The following MGST1 variants were observed in gnomAD, a reference collection of about 807,000 sequenced individuals.
MGST1 encodes microsomal glutathione S-transferase 1, also known as glutathione S-transferase 12.
MGST1 carries 5 observed loss-of-function variants against 8.9 expected under a neutral mutation model. The observed-to-expected ratio is 0.56, with a 90% CI of 0.29 to 1.19. The LOEUF is 1.19. MGST1 is among the 50% of genes most tolerant of loss of function. The pLI, the probability that MGST1 is intolerant of heterozygous loss-of-function variation, is 0.08. For synonymous variants in MGST1, 54 were observed against 67.8 expected (o/e 0.80, Z 1.00); for missense variants, 182 against 187.4 (o/e 0.97, Z 0.17).
chr12:16,469,623 C>T (rs1463522475), intron 4 of MGST1, among the ~76,000 whole-genome samples: 1 of 152,154 alleles, frequency 6.6e-6, no homozygotes, highest in African/African-American at 2.4e-5. Context: ...TGAGAGAACC[C>T]ATCTGTTAAG....
downstream of MGST1, among the ~76,000 whole-genome samples, chr12:16,368,052 T>C (rs1298390268): frequency 4.6e-5 from 7 of 152,146 alleles, no homozygotes; most frequent in Non-Finnish European, 8.8e-5. Context: ...AGCTAGGAGG[T>C]TAACGATCAA....
At chr12:16,434,592 C>T (rs1158021853) in intron 1 of MGST1, among the ~76,000 whole-genome samples, 2 of 151,958 alleles carry the variant, frequency 1.3e-5, no homozygotes, top group Admixed American at 1.3e-4. Context: ...TTCATTTTCA[C>T]CTTAATTGAA....
intron 4 of MGST1, among the ~76,000 whole-genome samples, chr12:16,533,709 G>A (rs577924822): frequency 3.1e-5 from 4 of 127,544 alleles, no homozygotes; most frequent in African/African-American, 1.1e-4. Context: ...GGCACTTACA[G>A]TCTAGTGGGG....
At chr12:16,390,702 G>A (rs1174098864) in intron 1 of MGST1, among the ~76,000 whole-genome samples, 4 of 151,906 alleles carry the variant, frequency 2.6e-5, no homozygotes, top group African/African-American at 9.7e-5. Context: ...TCTTTATCCA[G>A]TCTGTCATTG....
At chr12:16,488,974 T>C (rs1456731540) in intron 4 of MGST1, among the ~76,000 whole-genome samples, 5 of 151,956 alleles carry the variant, frequency 3.3e-5, no homozygotes, top group African/African-American at 1.2e-4. Context: ...TATCTGTGAG[T>C]GGTGGCATGC....
chr12:16,364,795 G>A (rs916069815), downstream of MGST1, among the ~76,000 whole-genome samples: 3 of 151,906 alleles, frequency 2.0e-5, no homozygotes, highest in African/African-American at 7.3e-5. The surrounding 1 kb of genome is among the most constrained non-coding windows in gnomAD (Gnocchi z 5.7). Flanking sequence ...TTTGATCCAG[G>A]ATTCAAAGAT....
chr12:16,464,988 A>G (rs1028097663), intron 4 of MGST1, among the ~76,000 whole-genome samples: 3 of 152,138 alleles, frequency 2.0e-5, no homozygotes, highest in Non-Finnish European at 4.4e-5. Context: ...TGTTGTTTAT[A>G]CTTGGAATAA....
chr12:16,559,410 A>G lies in MGST1; in HGVS notation n.483-30118A>G, dbSNP rs1259034640. On this transcript the variant is annotated intron_variant and non_coding_transcript_variant, in intron 4 of 4. Coordinates refer to the MGST1 transcript ENST00000538857. This position sits in a 1 kb window ranked among gnomAD's most constrained non-coding sequence, Gnocchi z 4.1. ...CTCTGAGATGAACTAATCCAGCTTC[A>G]TATGTTACAAATGAAAAACCTGAGG... Among the ~76,000 whole-genome samples the G allele has an allele frequency of 2.0e-5, 3 of 152,130 alleles. No individual in the cohort carries two copies. The highest frequency in any genetic ancestry group is 2.9e-5 in the Non-Finnish European group (2 of 68,032).
intron 4 of MGST1, among the ~76,000 whole-genome samples, chr12:16,535,121 G>T (rs1941747612): frequency 6.6e-6 from 1 of 152,116 alleles, no homozygotes. Flanking sequence ...TAAAAATTCT[G>T]CTTCCATCTT....
At chr12:16,400,930 T>C (rs1368631274) in intron 1 of MGST1, 5 of 1,297,806 alleles carry the variant, frequency 3.9e-6, no homozygotes, top group Admixed American at 3.4e-5. Flanking sequence ...TCTCCTGTTC[T>C]CCCTTTTGTT....
downstream of MGST1, among the ~76,000 whole-genome samples, chr12:16,378,264 G>T (rs1292611592): frequency 6.6e-6 from 1 of 152,060 alleles, no homozygotes; most frequent in African/African-American, 2.4e-5. Flanking sequence ...TTCTTCCAGG[G>T]TTTTTATGGT....
intron 4 of MGST1, chr12:16,551,154 G>GTA: frequency 1.0e-6 from 1 of 1,003,958 alleles, no homozygotes; most frequent in Non-Finnish European, 1.6e-6. Flanking sequence ...CAATTCTTAT[G>GTA]TACATGTGGA....
At chr12:16,422,362 A>T (rs1940846049) in intron 1 of MGST1, among the ~76,000 whole-genome samples, 1 of 151,984 alleles carries the variant, frequency 6.6e-6, no homozygotes, top group Admixed American at 6.5e-5. Flanking sequence ...AGTTCCCCTT[A>T]CTACTTTCAG....
At chr12:16,411,205 T>C (rs565366035) in intron 1 of MGST1, among the ~76,000 whole-genome samples, 14 of 152,316 alleles carry the variant, frequency 9.2e-5, no homozygotes, top group South Asian at 2.1e-4. Flanking sequence ...GGCTCTAAGC[T>C]GCATGAGGGC....
intron 3 of MGST1, among the ~76,000 whole-genome samples, chr12:16,359,523 A>T (rs910054774): frequency 6.6e-6 from 1 of 152,244 alleles, no homozygotes; most frequent in Non-Finnish European, 1.5e-5. Context: ...GAATATGGAT[A>T]TAAAATAGTT....
rs959945359 is a variant in MGST1, at chr12:16,369,645, T to C, written c.222-6477T>C. 4 of 152,200 alleles carry C rather than the reference T, an allele frequency of 2.6e-5. No homozygotes were observed. The highest frequency in any genetic ancestry group is 5.9e-5 in the Non-Finnish European group (4 of 68,040). 9.4% of individuals were successfully genotyped at this position (152,200 alleles called of 1,614,324 possible). On this transcript the variant is annotated intron_variant, in intron 3 of 3. Transcript: ENST00000535309. The surrounding 1 kb of genome is among the most constrained non-coding windows in gnomAD (Gnocchi z 4.8). ...TACTTATTTTTATATTTCCTGCAAC[T>C]GCTTTTGTGTCACAATGGCAGAGTG...
chr12:16,466,750 T>A (rs1941257948), intron 4 of MGST1, among the ~76,000 whole-genome samples: 1 of 152,188 alleles, frequency 6.6e-6, no homozygotes, highest in Admixed American at 6.5e-5. Context: ...GGTTAAATAA[T>A]TAACTCTCTA....
intron 4 of MGST1, among the ~76,000 whole-genome samples, chr12:16,529,344 A>C (rs1418688694): frequency 6.6e-6 from 1 of 152,062 alleles, no homozygotes; most frequent in East Asian, 1.9e-4. Context: ...TTTAAGTGCC[A>C]AAAATAATTA....
chr12:16,401,693 G>A lies in MGST1; in HGVS notation n.778+18089G>A. On this transcript the variant is annotated intron_variant and non_coding_transcript_variant, in intron 1 of 1. Transcript: ENST00000359720. This position sits in a 1 kb window ranked among gnomAD's most constrained non-coding sequence, Gnocchi z 4.3. ...TGCCACCACTCTGAATGATAGGAGG[G>A]TAACACATTTCCACAGTAGAAGGGT... 17 of 1,603,446 alleles carry A rather than the reference G, an allele frequency of 1.1e-5. 1 individual carries two copies. The South Asian group carries it at 1.7e-4, about 16-fold the overall frequency.
Sources: gnomAD v4.1 joint callset for allele counts (sites outside exome capture counted in the v4.1 genomes callset) on GRCh38, gnomAD v4.1.1 for gene constraint, Gnocchi (gnomAD v3.1) non-coding constraint, MANE v1.5 for transcripts, NCBI Gene and HGNC (gene_info 2026-07-23, HGNC 2026-07-21) for gene names.